The following HSPG2 variants were observed in gnomAD, a reference collection of about 807,000 sequenced individuals.
The protein encoded by HSPG2 is heparan sulfate proteoglycan 2.
HSPG2 carries 278 observed loss-of-function variants against 526.6 expected under a neutral mutation model. That is an observed-to-expected ratio of 0.53 (90% CI 0.48 to 0.58). The LOEUF is 0.58. Ranked by LOEUF, HSPG2 falls within the 20% of genes least tolerant of loss-of-function variation. The pLI, the probability that HSPG2 is intolerant of heterozygous loss-of-function variation, is 0.00. For synonymous variants in HSPG2, 2,465 were observed against 2,555.4 expected (o/e 0.96, Z 1.07); for missense variants, 5,354 against 6,099.5 (o/e 0.88, Z 4.07).
chr1:21,897,010 G>A (rs1642800186), intron 1 of HSPG2, among the ~76,000 whole-genome samples: 1 of 152,182 alleles, frequency 6.6e-6, no homozygotes, highest in Non-Finnish European at 1.5e-5. Context: ...TCAGGCTGCT[G>A]CCGAGCCCAG....
chr1:21,908,853 CG>C (rs1249413766), intron 1 of HSPG2, among the ~76,000 whole-genome samples: 2 of 152,190 alleles, frequency 1.3e-5, no homozygotes, highest in Non-Finnish European at 2.9e-5. Context: ...AGGCTGGGTG[CG>C]GTGGCTCACG....
chr1:21,849,166 C>T, intron 57 of HSPG2, 135 bp from the exon 58 acceptor site: 2 of 1,011,290 alleles, frequency 2.0e-6, no homozygotes, highest in South Asian at 3.1e-5. Flanking sequence ...GGGAAAACCA[C>T]CTTCTCCCTT....
chr1:21,921,021 C>T (rs1425337365), intron 1 of HSPG2, among the ~76,000 whole-genome samples: 1 of 152,214 alleles, frequency 6.6e-6, no homozygotes, highest in Non-Finnish European at 1.5e-5. Flanking sequence ...TTCAATTTCC[C>T]TTTCTCCTAA....
Position 21,859,878 on chromosome 1 carries a change from C to T in HSPG2, c.5139G>A (p.Glu1713=), listed in dbSNP as rs773761328. The T allele has an allele frequency of 6.2e-7, 1 of 1,611,354 alleles. No individual in the cohort carries two copies. The highest frequency in any genetic ancestry group is 8.5e-7 in the Non-Finnish European group (1 of 1,179,652). ...TGCCGCTGGGCACAGGCCGCCCATC[C>T]TCACGGGACCAATAGAAGTAGTGGG... ...SPPHYFYWSR[E]DGRPVPSGTQ... Residue 1713 remains glutamate (E), a synonymous_variant, in exon 41 of 97, where the codon GAG becomes GAA. Transcript: ENST00000374695. The surrounding 1 kb of genome is among the most constrained non-coding windows in gnomAD (Gnocchi z 5.3).
At chr1:21,855,046 C>T (rs1639227291) in intron 47 of HSPG2, 63 bp from the exon 48 acceptor site, 49 of 1,588,156 alleles carry the variant, frequency 3.1e-5, no homozygotes, top group Non-Finnish European at 4.2e-5. Context: ...GCCAGGGGGA[C>T]AGATAGGGCA....
intron 6 of HSPG2, chr1:21,888,707 G>C (rs781103246): frequency 1.5e-6 from 2 of 1,365,262 alleles, no homozygotes; most frequent in East Asian, 4.5e-5. Flanking sequence ...GGCGGGGGTG[G>C]GGGGGTCTGT....
At chr1:21,843,837 T>C (rs2098059841) in intron 65 of HSPG2, among the ~76,000 whole-genome samples, 2 of 152,142 alleles carry the variant, frequency 1.3e-5, no homozygotes, top group African/African-American at 4.8e-5. Flanking sequence ...CGTTTCGCCA[T>C]GTTGGCCGGG....
chr1:21,840,190 G>A (rs1557694158), intron 71 of HSPG2, among the ~76,000 whole-genome samples, 173 bp from the exon 72 acceptor site: 2 of 152,184 alleles, frequency 1.3e-5, no homozygotes, highest in African/African-American at 4.8e-5. Context: ...ACAGGTTGGA[G>A]TGCAGTGGCA....
chr1:21,837,086 C>T (rs1190408105), intron 74 of HSPG2, 80 bp from the exon 75 acceptor site: 1 of 1,295,950 alleles, frequency 7.7e-7, no homozygotes, highest in Non-Finnish European at 1.1e-6. Context: ...CAGGAAACCC[C>T]CAGCCCAACA....
chr1:21,892,313 C>T (rs888750504), intron 3 of HSPG2, among the ~76,000 whole-genome samples: 2 of 152,276 alleles, frequency 1.3e-5, no homozygotes, highest in Non-Finnish European at 2.9e-5. Context: ...GTCCCCCCAC[C>T]CAAGCCCCTG....
Position 21,864,916 on chromosome 1 carries a change from G to T in HSPG2, c.4553C>A (p.Pro1518His), listed in dbSNP as rs1640106043. The T allele has an allele frequency of 6.2e-7, 1 of 1,609,128 alleles. No individual in the cohort carries two copies. Among genetic ancestry groups the T allele is most frequent in the East Asian group, 2.2e-5 (1 of 44,768 alleles). Residue 1518 changes from proline (P) to histidine (H), a missense_variant, in exon 36 of 97, where the codon CCC becomes CAC. Physicochemically the swap from Pro to His is moderately conservative, Grantham distance 77. Coordinates refer to ENST00000374695, the MANE Select transcript of HSPG2 (RefSeq NM_005529.7). This position sits in a 1 kb window ranked among gnomAD's most constrained non-coding sequence, Gnocchi z 4.8. ...AVSLEVAQPG[P>H]SNRPRALEVE... Reference sequence around the variant, plus strand: ...CTCGAGGGCGCGGGGTCTGTTTGAGGGCCCCGGCTGGGCGACCTCCAGGCT... The same window carrying T: ...CTCGAGGGCGCGGGGTCTGTTTGAGTGCCCCGGCTGGGCGACCTCCAGGCT...
In HSPG2 at chr1:21,872,664, C is replaced by T. The variant is rs774070701; in HGVS notation, c.3985G>A (p.Gly1329Ser). 6.2e-7 allele frequency: 1 copy of T among 1,601,976 alleles called. No homozygotes were observed. The highest frequency in any genetic ancestry group is 8.5e-7 in the Non-Finnish European group (1 of 1,175,608). Residue 1329 changes from glycine (G) to serine (S), a missense_variant, in exon 32 of 97, where the codon GGC becomes AGC. Transcript: ENST00000374695. The surrounding 1 kb of genome is among the most constrained non-coding windows in gnomAD (Gnocchi z 5.5). ...GAGCTGGCGCACTGCTGGGTGATGC[C>T]CATACAGAAGCAGGGCAGGCAGCCG... is the stretch of plus-strand genomic sequence containing the variant. ...PDGCLPCFCMGITQQCASSAY... is the reference protein window; with the variant it reads ...PDGCLPCFCMSITQQCASSAY...
In HSPG2 at chr1:21,854,217, G is replaced by T; in HGVS notation, c.6415C>A (p.His2139Asn). Residue 2139 changes from histidine to asparagine, a missense_variant, in exon 50 of 97, where the codon CAT (histidine) becomes AAT (asparagine). By Grantham distance (68) the His-to-Asn change is moderately conservative. Coordinates refer to ENST00000374695, the MANE Select transcript of HSPG2 (RefSeq NM_005529.7). The stretch of plus-strand genomic sequence containing the variant: ...CCTGGGGTGTAGCTGGGGCCAGAAT[G>T]GGTGCCGTGGAGCACAGACACAGTA... ...SITVSVLHGT[H>N]SGPSYTPVPG... 1 of 1,594,222 alleles carries T rather than the reference G, an allele frequency of 6.3e-7. No individual in the cohort carries two copies. Among genetic ancestry groups the T allele is most frequent in the Non-Finnish European group, 8.5e-7 (1 of 1,169,818 alleles).
chr1:21,856,521 G>A (rs1009087246), intron 44 of HSPG2, among the ~76,000 whole-genome samples: 7 of 144,802 alleles, frequency 4.8e-5, no homozygotes, highest in Middle Eastern at 3.5e-3. Flanking sequence ...GGGTTCAAGC[G>A]ATTCTCCTGC....
At chr1:21,914,871 A>C (rs916651452) in intron 1 of HSPG2, among the ~76,000 whole-genome samples, 1 of 152,178 alleles carries the variant, frequency 6.6e-6, no homozygotes, top group Non-Finnish European at 1.5e-5. Flanking sequence ...TGCCCAGAGC[A>C]ACCACCTGCC....
At chr1:21,923,302 G>A (rs1644094699) in intron 1 of HSPG2, among the ~76,000 whole-genome samples, 1 of 152,120 alleles carries the variant, frequency 6.6e-6, no homozygotes, top group Non-Finnish European at 1.5e-5. Flanking sequence ...AGCTACTCGG[G>A]AGGCTGAGGC....
At chr1:21,912,411 C>T (rs1384685286) in intron 1 of HSPG2, among the ~76,000 whole-genome samples, 3 of 152,158 alleles carry the variant, frequency 2.0e-5, no homozygotes, top group Non-Finnish European at 4.4e-5. Context: ...TCCAAAGACC[C>T]CCGGGGAGAA....
chr1:21,875,541 A>G, intron 25 of HSPG2, 88 bp downstream of exon 25: 1 of 964,042 alleles, frequency 1.0e-6, no homozygotes, highest in Non-Finnish European at 1.7e-6. Context: ...AGGGTCACAC[A>G]GTCTGTAAGT....
chr1:21,835,685 A>C, intron 75 of HSPG2, 48 bp from the exon 76 acceptor site: 1 of 1,453,340 alleles, frequency 6.9e-7, no homozygotes, highest in Non-Finnish European at 9.6e-7. Context: ...AACAACTGAT[A>C]GAATGCTTTG....
Sources: allele counts gnomAD v4.1 joint callset (sites outside exome capture counted in the v4.1 genomes callset), GRCh38; gene constraint gnomAD v4.1.1; non-coding constraint Gnocchi (gnomAD v3.1); transcripts MANE v1.5; gene names NCBI Gene and HGNC (gene_info 2026-07-23, HGNC 2026-07-21).